Variants in MCF2L observed in about 807,000 individuals in gnomAD.
MCF2L encodes the protein MCF.2 cell line derived transforming sequence like.
Under a neutral mutation model 153.4 loss-of-function variants are expected in MCF2L, and 97 were observed. The ratio of observed to expected loss-of-function variants is 0.63; its 90% CI spans 0.54 to 0.75. MCF2L has a LOEUF of 0.75. Ranked by LOEUF, MCF2L falls within the 30% of genes least tolerant of loss-of-function variation. The pLI, the probability that MCF2L is intolerant of heterozygous loss-of-function variation, is 0.00. For missense variants in MCF2L, 1,347 were observed against 1,495.2 expected, an observed-to-expected ratio of 0.90 and a Z score of 1.64; for synonymous variants, 659 against 632.2, an observed-to-expected ratio of 1.04 and a Z score of -0.64.
chr13:112,941,272 G>C lies in MCF2L; in HGVS notation c.169+38901G>C, dbSNP rs1431745190. ...CAAAGCCCAGGGTACAGGTCTGTGT[G>C]GTGTGTGTGGTGGCACTCTGGAAGC... On this transcript the variant is annotated intron_variant, in intron 2 of 29. Transcript: ENST00000375608. This position sits in a 1 kb window ranked among gnomAD's most constrained non-coding sequence, Gnocchi z 4.9. Among the ~76,000 whole-genome samples the C allele has an allele frequency of 6.6e-6, 1 of 150,888 alleles. No individual in the cohort carries two copies. The highest frequency in any genetic ancestry group is 2.4e-5 in the African/African-American group (1 of 41,078).
At chr13:112,967,933 G>T, upstream of MCF2L, 1 of 176,548 alleles carries the variant, frequency 5.7e-6, no homozygotes, top group Non-Finnish European at 1.2e-5. Context: ...TGGAATGCTG[G>T]TGCATTGTTG....
chr13:113,024,283 C>T (rs150815368), intron 2 of MCF2L, among the ~76,000 whole-genome samples: 7 of 152,174 alleles, frequency 4.6e-5, no homozygotes, highest in East Asian at 3.9e-4. Flanking sequence ...AGCATGGAAG[C>T]GGTTTGTTCT....
chr13:113,071,279 G>T (rs1376940942), intron 9 of MCF2L, among the ~76,000 whole-genome samples: 2 of 152,110 alleles, frequency 1.3e-5, no homozygotes, highest in Non-Finnish European at 2.9e-5. Context: ...TACATTTTGA[G>T]AATTCCTTAT....
At chr13:112,936,860 A>C (rs2081520105) in intron 2 of MCF2L, among the ~76,000 whole-genome samples, 3 of 152,154 alleles carry the variant, frequency 2.0e-5, no homozygotes. Flanking sequence ...ATACAATGTA[A>C]ATGCCGTGAA....
chr13:112,924,041 C>T (rs779277292), intron 2 of MCF2L, among the ~76,000 whole-genome samples: 4 of 152,098 alleles, frequency 2.6e-5, no homozygotes, highest in African/African-American at 4.8e-5. Context: ...AGGAAGCATA[C>T]GAGACCGGTT....
Position 113,045,206 on chromosome 13 carries a change from G to C in MCF2L, c.279-65G>C. On this transcript the variant is annotated intron_variant, in intron 3 of 29. Coordinates refer to ENST00000535094, the MANE Select transcript of MCF2L (RefSeq NM_001112732.3). This position sits in a 1 kb window ranked among gnomAD's most constrained non-coding sequence, Gnocchi z 4.2. ...TCGCTCTCCCAAGAGGTTTTCTGAG[G>C]GATTTCGTGGGCAGCCGGCTTCCCA... is the stretch of plus-strand genomic sequence containing the variant. The C allele has an allele frequency of 7.7e-7, 1 of 1,298,748 alleles. No homozygotes were observed. The highest frequency in any genetic ancestry group is 1.2e-5 in the South Asian group (1 of 84,900). 80.5% of individuals were successfully genotyped at this position (1,298,748 alleles called of 1,614,324 possible). A position where few individuals can be genotyped will look rare whatever the true frequency, so the allele number is the denominator to read the frequency against.
chr13:112,898,201 C>T (rs962519993), intron 1 of MCF2L, among the ~76,000 whole-genome samples: 7 of 152,316 alleles, frequency 4.6e-5, no homozygotes, highest in African/African-American at 1.4e-4. Flanking sequence ...TGGGATGAGA[C>T]ACACTGTGTG....
At chr13:113,032,721 C>G (rs571805512) in intron 3 of MCF2L, among the ~76,000 whole-genome samples, 11 of 152,312 alleles carry the variant, frequency 7.2e-5, no homozygotes, top group African/African-American at 2.6e-4. Flanking sequence ...AGGCATGAGC[C>G]ACCACACCCG....
chr13:112,932,191 G>A lies in MCF2L; in HGVS notation c.169+29820G>A, dbSNP rs1038154944. On this transcript the variant is annotated intron_variant, in intron 2 of 29. Coordinates refer to the MCF2L transcript ENST00000375608. The surrounding 1 kb of genome is among the most constrained non-coding windows in gnomAD (Gnocchi z 4.6). ...GAGCCAGGCAATCGAGGTCAGCACC[G>A]ATGGCGACCAGGCGTGTAGACTCGT... is the stretch of plus-strand genomic sequence containing the variant. Among the ~76,000 whole-genome samples the A allele has an allele frequency of 2.6e-5, 4 of 152,160 alleles. No homozygotes were observed. The highest frequency in any genetic ancestry group is 9.7e-5 in the African/African-American group (4 of 41,446).
chr13:113,060,022 A>G (rs768904413), intron 4 of MCF2L, among the ~76,000 whole-genome samples: 10 of 152,200 alleles, frequency 6.6e-5, no homozygotes, highest in Admixed American at 2.0e-4. Context: ...GTCTGAACTC[A>G]GGTGTGGCCG....
Position 113,064,482 on chromosome 13 carries a change from C to T in MCF2L, c.606+62C>T. The T allele has an allele frequency of 9.5e-7, 1 of 1,050,604 alleles. No individual in the cohort carries two copies. Among genetic ancestry groups the T allele is most frequent in the African/African-American group, 1.5e-5 (1 of 64,612 alleles). 65.1% of individuals were successfully genotyped at this position (1,050,604 alleles called of 1,614,324 possible). On this transcript the variant is annotated intron_variant, in intron 6 of 29. Transcript: ENST00000535094. This position sits in a 1 kb window ranked among gnomAD's most constrained non-coding sequence, Gnocchi z 6.0. ...CAGCTCGAGTACTTCCACAGAATCG[C>T]TCTTGCATTACAACACGGCCCTTTC...
chr13:112,910,226 G>A (rs958131577), intron 2 of MCF2L: 4 of 152,218 alleles, frequency 2.6e-5, no homozygotes, highest in South Asian at 2.1e-4. Context: ...AAGCCTGCTG[G>A]TAGGAATGCC....
At position 113,074,412 on chromosome 13, in the gene MCF2L, A is replaced by T; in HGVS notation, c.997-32A>T. 2 of 1,600,848 alleles carry T rather than the reference A, an allele frequency of 1.2e-6. No homozygotes were observed. Among genetic ancestry groups the T allele is most frequent in the Admixed American group, 3.3e-5 (2 of 59,792 alleles). On this transcript the variant is annotated intron_variant, in intron 9 of 29. Transcript: ENST00000535094. This position sits in a 1 kb window ranked among gnomAD's most constrained non-coding sequence, Gnocchi z 4.2. The stretch of plus-strand genomic sequence containing the variant: ...TTCTCTCTGTTCAGGTGAGGGAGAC[A>T]CCCCCCTGAGATGGGCCCTCCTCTG...
intron 2 of MCF2L, among the ~76,000 whole-genome samples, chr13:113,018,664 C>T (rs1211797857): frequency 2.0e-5 from 3 of 152,228 alleles, no homozygotes; most frequent in South Asian, 2.1e-4. Flanking sequence ...ACTTGCTGAC[C>T]GTCAGCAAGA....
intron 2 of MCF2L, among the ~76,000 whole-genome samples, chr13:112,952,633 A>G (rs746596321): frequency 3.4e-4 from 51 of 152,206 alleles, no homozygotes; most frequent in Non-Finnish European, 7.3e-5. Context: ...GAGAATCTGA[A>G]AGTTGAAAAT....
chr13:113,076,134 T>C lies in MCF2L; in HGVS notation c.1477T>C (p.Ser493Pro). Residue 493 changes from serine to proline, a missense_variant, in exon 12 of 30, where the codon TCC (serine) becomes CCC (proline). This residue lies in a region of MCF2L where 820 missense variants were observed against 921.2 expected (regional missense o/e 0.89). Coordinates refer to ENST00000535094, the MANE Select transcript of MCF2L (RefSeq NM_001112732.3). ...CAACGCGATTTACAAGGAATACGAA[T>C]CCATCCTCAACCAAGATCTCATGGT... ...ELNAIYKEYE[S>P]ILNQDLMEHV... 1 of 1,613,514 alleles carries C rather than the reference T, an allele frequency of 6.2e-7. No individual in the cohort carries two copies. The highest frequency in any genetic ancestry group is 2.2e-5 in the East Asian group (1 of 44,868).
chr13:113,025,867 T>C (rs376414910), intron 3 of MCF2L, among the ~76,000 whole-genome samples: 1,369 of 41,960 alleles, frequency 0.033, 49 homozygotes, highest in South Asian at 0.074. Flanking sequence ...TCCCCGTGAC[T>C]GTGGGTCGGG....
intron 3 of MCF2L, among the ~76,000 whole-genome samples, chr13:113,029,224 C>T (rs959577015): frequency 3.3e-5 from 5 of 152,178 alleles, no homozygotes; most frequent in Admixed American, 6.5e-5. Context: ...CTGGCTGTCC[C>T]GGCATCCTAG....
chr13:112,956,040 C>T (rs541898660), intron 2 of MCF2L: 22 of 152,180 alleles, frequency 1.4e-4, no homozygotes, highest in Admixed American at 1.3e-3. Context: ...TCTTTTTTCC[C>T]AGGAGGCGTG....
Sources: gnomAD v4.1 joint callset for allele counts (sites outside exome capture counted in the v4.1 genomes callset) on GRCh38, gnomAD v4.1.1 for gene constraint, gnomAD v4.1.1 regional missense constraint, Gnocchi (gnomAD v3.1) non-coding constraint, MANE v1.5 for transcripts, NCBI Gene and HGNC (gene_info 2026-07-23, HGNC 2026-07-21) for gene names.